KAZN: variants seen among roughly 807,000 people sequenced by gnomAD.
The protein encoded by KAZN is kazrin.
KAZN carries 40 observed loss-of-function variants against 87.4 expected under a neutral mutation model. The observed-to-expected ratio is 0.46, with a 90% CI of 0.36 to 0.60. The LOEUF (loss-of-function observed/expected upper bound fraction) is 0.60, where lower values mean the gene tolerates loss of function less well. KAZN is among the 20% of genes least tolerant of loss of function. The pLI is 0.00. For synonymous variants in KAZN, 466 were observed against 458.3 expected (o/e 1.02, Z -0.22); for missense variants, 898 against 1,073.9 (o/e 0.84, Z 2.29).
At chr1:14,278,384 G>A (rs551787761) in intron 2 of KAZN, among the ~76,000 whole-genome samples, 65 of 148,020 alleles carry the variant, frequency 4.4e-4, no homozygotes, top group South Asian at 3.5e-3. Flanking sequence ...TCTGCCTCCC[G>A]GACTCAAGCG....
chr1:14,610,089 A>G (rs895045843), intron 1 of KAZN, among the ~76,000 whole-genome samples: 6 of 152,246 alleles, frequency 3.9e-5, no homozygotes, highest in African/African-American at 1.4e-4. Context: ...GTGGCCCACG[A>G]TGAAAGGGGA....
At chr1:13,982,481 G>A (rs1638778678) in intron 1 of KAZN, among the ~76,000 whole-genome samples, 1 of 152,208 alleles carries the variant, frequency 6.6e-6, no homozygotes, top group Non-Finnish European at 1.5e-5. Context: ...CAAAGAGTGA[G>A]CAGTAGGAAG....
chr1:14,539,234 C>A (rs531621598), intron 2 of KAZN, among the ~76,000 whole-genome samples: 4 of 152,070 alleles, frequency 2.6e-5, no homozygotes, highest in Non-Finnish European at 5.9e-5. Flanking sequence ...GTCCCATTCC[C>A]GGCAATACAC....
chr1:15,000,259 G>A (rs927277093), intron 2 of KAZN, among the ~76,000 whole-genome samples: 1 of 150,656 alleles, frequency 6.6e-6, no homozygotes, highest in Non-Finnish European at 1.5e-5. Flanking sequence ...TAAAGGCTGG[G>A]AAAGGCAAGG....
intron 1 of KAZN, among the ~76,000 whole-genome samples, chr1:14,745,497 A>G (rs537911748): frequency 6.6e-6 from 1 of 152,270 alleles, no homozygotes; most frequent in South Asian, 2.1e-4. Flanking sequence ...TCTAATTAAC[A>G]GTTACTAATA....
At chr1:14,799,915 C>T (rs1018835193) in intron 1 of KAZN, among the ~76,000 whole-genome samples, 13 of 152,224 alleles carry the variant, frequency 8.5e-5, no homozygotes, top group African/African-American at 2.6e-4. Flanking sequence ...TCTAATGAAA[C>T]GGTATTAGAT....
At chr1:15,076,227 C>T (rs145398498) in intron 8 of KAZN, among the ~76,000 whole-genome samples, 555 of 152,294 alleles carry the variant, frequency 3.6e-3, no homozygotes, top group African/African-American at 0.012. Context: ...GTAACAGTCC[C>T]GGGTCACTGA....
Position 14,960,693 on chromosome 1 carries a change from G to A in KAZN, c.236G>A (p.Arg79Gln), listed in dbSNP as rs754907438. The A allele has an allele frequency of 4.7e-5, 73 of 1,566,522 alleles. No individual in the cohort carries two copies. The highest frequency in any genetic ancestry group is 1.5e-4 in the South Asian group (13 of 85,448). Residue 79 changes from arginine to glutamine, a missense_variant, in exon 2 of 15, where the codon CGG (arginine) becomes CAG (glutamine). Physicochemically the swap from Arg to Gln is conservative, Grantham distance 43. Transcript: ENST00000376030. ...TGCCCTTCTCCCCTAGTGCTCCTGC[G>A]GGAAGAAGTGTCGCGGCTCCAGGAG... Reference protein sequence around the residue: ...NPQLGAQVLLREEVSRLQEEV... With the variant: ...NPQLGAQVLLQEEVSRLQEEV...
At chr1:14,784,844 G>A (rs1296261153) in intron 1 of KAZN, among the ~76,000 whole-genome samples, 1 of 152,192 alleles carries the variant, frequency 6.6e-6, no homozygotes, top group Non-Finnish European at 1.5e-5. Flanking sequence ...GGAAATACAT[G>A]TGGGCACTGG....
chr1:14,246,955 G>A (rs1003447339), intron 2 of KAZN, among the ~76,000 whole-genome samples: 1 of 152,038 alleles, frequency 6.6e-6, no homozygotes, highest in Admixed American at 6.6e-5. Flanking sequence ...AGCTCATGCC[G>A]AATTATTTTC....
rs550588636 is a variant in KAZN at position 15,016,121 on chromosome 1, G to C, written c.419-18628G>C. ...AGAGAAGAGAAGAGAGGAGCACTGAGGGGAGAAGGTGATGAGAAGACAGAG... is the reference window on the plus strand; with the variant it reads ...AGAGAAGAGAAGAGAGGAGCACTGACGGGAGAAGGTGATGAGAAGACAGAG... On this transcript the variant is annotated intron_variant, in intron 2 of 14. Coordinates refer to ENST00000376030, the MANE Select transcript of KAZN (RefSeq NM_201628.3). 1.2e-4 allele frequency among the ~76,000 whole-genome samples: 19 copies of C among 152,296 alleles called. No individual in the cohort carries two copies. The South Asian group carries it at 1.9e-3, about 15-fold the overall frequency.
At chr1:14,973,748 A>G (rs960135360) in intron 2 of KAZN, among the ~76,000 whole-genome samples, 2 of 152,238 alleles carry the variant, frequency 1.3e-5, no homozygotes, top group Non-Finnish European at 2.9e-5. Context: ...ATTAAAGAAT[A>G]AAAGATTGAT....
chr1:14,985,770 G>A (rs1270713288), intron 2 of KAZN, among the ~76,000 whole-genome samples: 1 of 152,038 alleles, frequency 6.6e-6, no homozygotes, highest in Non-Finnish European at 1.5e-5. Flanking sequence ...TTGGGAGGCT[G>A]AGGCAGGCGG....
chr1:14,838,463 G>GC lies in KAZN; in HGVS notation c.227-122215dup, dbSNP rs1373682399. On this transcript the variant is annotated intron_variant, in intron 1 of 14. Coordinates refer to ENST00000376030, the MANE Select transcript of KAZN (RefSeq NM_201628.3). ...TCCAAACCTCAGCTGGGAAGAAAGA[G>GC]CCCCCCACCTGGTCAGTTACCCAGA... 5.3e-5 allele frequency among the ~76,000 whole-genome samples: 8 copies of GC among 152,256 alleles called. No individual in the cohort carries two copies. The East Asian group carries it at 7.7e-4, about 15-fold the overall frequency.
chr1:15,091,256 C>A (rs1640520686), intron 8 of KAZN, among the ~76,000 whole-genome samples: 1 of 152,188 alleles, frequency 6.6e-6, no homozygotes, highest in Admixed American at 6.5e-5. Context: ...TGTATACACA[C>A]ACGTGTATAT....
upstream of KAZN, chr1:14,598,647 A>C: frequency 8.7e-7 from 1 of 1,152,880 alleles, no homozygotes; most frequent in East Asian, 4.4e-5. This position sits in a 1 kb window ranked among gnomAD's most constrained non-coding sequence, Gnocchi z 4.2. Flanking sequence ...GGCGAATGGT[A>C]GGCTCCATTT....
chr1:14,707,299 G>A (rs181409706), intron 1 of KAZN, among the ~76,000 whole-genome samples: 9 of 152,290 alleles, frequency 5.9e-5, no homozygotes, highest in South Asian at 4.2e-4. Context: ...TAATAAATGC[G>A]TGAGAGGATA....
chr1:14,388,599 A>G (rs944976089), intron 2 of KAZN, among the ~76,000 whole-genome samples: 3 of 152,154 alleles, frequency 2.0e-5, no homozygotes, highest in Non-Finnish European at 2.9e-5. Flanking sequence ...ATACACTGGG[A>G]AAAAAAGTCT....
intron 2 of KAZN, among the ~76,000 whole-genome samples, chr1:14,401,048 G>A (rs926079107): frequency 2.0e-5 from 3 of 152,210 alleles, no homozygotes; most frequent in Non-Finnish European, 4.4e-5. Flanking sequence ...TAAGCATGGT[G>A]TGAACACAAT....
Sources: allele counts gnomAD v4.1 joint callset (sites outside exome capture counted in the v4.1 genomes callset), GRCh38; gene constraint gnomAD v4.1.1; non-coding constraint Gnocchi (gnomAD v3.1); transcripts MANE v1.5; gene names NCBI Gene and HGNC (gene_info 2026-07-23, HGNC 2026-07-21).